DENND5A: variants seen among roughly 807,000 people sequenced by gnomAD.
DENND5A encodes DENN domain-containing protein 5A.
Under a neutral mutation model 140.3 loss-of-function variants are expected in DENND5A, and 64 were observed. That is an observed-to-expected ratio of 0.46 (90% confidence interval 0.37 to 0.56). The LOEUF (loss-of-function observed/expected upper bound fraction) is 0.56. Ranked by LOEUF, DENND5A falls within the 20% of genes least tolerant of loss-of-function variation. DENND5A has a pLI of 0.00. For missense variants in DENND5A, 1,292 were observed against 1,593.8 expected (o/e 0.81, Z 3.22); for synonymous variants, 605 against 607.7 (o/e 1.00, Z 0.07).
At chr11:9,213,424 T>TA (rs142768126) in intron 1 of DENND5A, among the ~76,000 whole-genome samples, 4,263 of 147,878 alleles carry the variant, frequency 0.029, 197 homozygotes, top group African/African-American at 0.099. Context: ...AAGTTTAACT[T>TA]AAAAAAAAAA....
intron 21 of DENND5A, 58 bp from the exon 22 acceptor site, chr11:9,142,166 C>A: frequency 6.9e-7 from 1 of 1,440,566 alleles, no homozygotes; most frequent in Non-Finnish European, 9.3e-7. Context: ...CCCTGACGGT[C>A]CTACAGGCCA....
rs193247230 is a variant in DENND5A at position 9,256,882 on chromosome 11, G to A, written c.109+8079C>T. 3.4e-3 allele frequency among the ~76,000 whole-genome samples: 523 copies of A among 152,140 alleles called. 1 individual carries two copies. Among genetic ancestry groups the A allele is most frequent in the Non-Finnish European group, 5.8e-3 (397 of 67,990 alleles). On this transcript the variant is annotated intron_variant, in intron 1 of 22. Transcript: ENST00000328194. ...AATCACTGAAATAAGTGAACTGTAT[G>A]GTATACGAATTATATCTCAATAAAA...
intron 12 of DENND5A, among the ~76,000 whole-genome samples, chr11:9,152,831 C>T (rs1847666287): frequency 6.6e-6 from 1 of 151,474 alleles, no homozygotes; most frequent in Non-Finnish European, 1.5e-5. Context: ...TGGTGAAACC[C>T]TGTCTCTACT....
At chr11:9,234,580 T>C (rs1256809785) in intron 1 of DENND5A, among the ~76,000 whole-genome samples, 2 of 152,204 alleles carry the variant, frequency 1.3e-5, no homozygotes, top group Non-Finnish European at 2.9e-5. Flanking sequence ...TCTGCAGCAC[T>C]GTGACATGTT....
intron 4 of DENND5A, among the ~76,000 whole-genome samples, chr11:9,196,104 C>T (rs1444783529): frequency 6.6e-6 from 1 of 152,146 alleles, no homozygotes; most frequent in Admixed American, 6.5e-5. Flanking sequence ...AGGCACGAGC[C>T]ACCATGCCTG....
chr11:9,219,113 T>C (rs1269348754), intron 1 of DENND5A, among the ~76,000 whole-genome samples: 1 of 151,728 alleles, frequency 6.6e-6, no homozygotes, highest in Non-Finnish European at 1.5e-5. Flanking sequence ...AAGTATACCA[T>C]AAAAAGCGAA....
intron 1 of DENND5A, among the ~76,000 whole-genome samples, chr11:9,262,981 T>C (rs1366733115): frequency 3.9e-5 from 6 of 152,180 alleles, no homozygotes; most frequent in Admixed American, 3.9e-4. Flanking sequence ...GACTTCGTGA[T>C]CCGCCCGCCT....
intron 1 of DENND5A, among the ~76,000 whole-genome samples, chr11:9,251,206 A>G (rs1177588256): frequency 6.6e-6 from 1 of 151,970 alleles, no homozygotes; most frequent in South Asian, 2.1e-4. Context: ...ATGAAACTCA[A>G]TGTGAGAAAC....
chr11:9,149,980 G>A, intron 15 of DENND5A, 101 bp downstream of exon 15: 1 of 1,461,198 alleles, frequency 6.8e-7, no homozygotes, highest in Non-Finnish European at 9.1e-7. Context: ...GCTGAATGCA[G>A]CAGCAATGTC....
At position 9,241,965 on chromosome 11, in the gene DENND5A, G is replaced by A. The variant is rs868381795; in HGVS notation, c.109+22996C>T. On this transcript the variant is annotated intron_variant, in intron 1 of 22. Transcript: ENST00000328194. ...GGAGGTGGAGGTTGTGGTGAGCAGA[G>A]ATTGCACCATTGCGCTCCAGCCTGG... Among the ~76,000 whole-genome samples, 3 of 142,366 alleles carry A rather than the reference G, an allele frequency of 2.1e-5. No individual in the cohort carries two copies. The South Asian group carries it at 6.8e-4, about 32-fold the overall frequency. 93.4% of individuals were successfully genotyped at this position (142,366 alleles called of 152,430 possible).
In DENND5A at chr11:9,243,087, C is replaced by CAAAAAAAA. The variant is rs539119487; in HGVS notation, c.109+21866_109+21873dup. Reference sequence around the variant, plus strand: ...TGGGCGACACAGCGAGACTCTGTCTCAAAAAAAAAAAAAAAAACAAAAAAA... The same window carrying CAAAAAAAA: ...TGGGCGACACAGCGAGACTCTGTCTCAAAAAAAAAAAAAAAAAAAAAAAAACAAAAAAA... On this transcript the variant is annotated intron_variant, in intron 1 of 22. Transcript: ENST00000328194. Among the ~76,000 whole-genome samples, 66 of 66,884 alleles carry CAAAAAAAA rather than the reference C, an allele frequency of 9.9e-4. 6 individuals are homozygous for CAAAAAAAA. The highest frequency in any genetic ancestry group is 3.5e-3 in the African/African-American group (56 of 16,226). The allele number at this position is 66,884 out of a possible 152,430, so 43.9% of individuals were successfully genotyped here. A position where few individuals can be genotyped will look rare whatever the true frequency, so the allele number is the denominator to read the frequency against.
chr11:9,206,896 A>G (rs1048687198), intron 2 of DENND5A, 114 bp from the exon 3 acceptor site: 4 of 723,188 alleles, frequency 5.5e-6, no homozygotes, highest in Non-Finnish European at 9.6e-6. Flanking sequence ...CAAGGGGGTT[A>G]GTATGCCAAC....
chr11:9,230,337 C>T lies in DENND5A; in HGVS notation c.110-22705G>A, dbSNP rs531168587. Among the ~76,000 whole-genome samples the T allele has an allele frequency of 1.3e-3, 178 of 140,032 alleles. 1 individual carries two copies. Among genetic ancestry groups the T allele is most frequent in the Admixed American group, 3.2e-3 (41 of 12,728 alleles). The allele number at this position is 140,032 out of a possible 152,430, so 91.9% of individuals were successfully genotyped here. On this transcript the variant is annotated intron_variant, in intron 1 of 22. Transcript: ENST00000328194. ...CTCACTACAATCTCAACCTTCTGAG[C>T]TCAAGCGATCCACCCACCTTAGCCT... is the stretch of plus-strand genomic sequence containing the variant.
At chr11:9,204,342 G>A (rs200538920) in intron 3 of DENND5A, 25 bp from the exon 4 acceptor site, 2 of 1,596,258 alleles carry the variant, frequency 1.3e-6, no homozygotes, top group East Asian at 4.5e-5. Context: ...AAGGCAACAA[G>A]CAGTGAGAAC....
At chr11:9,218,055 G>C (rs1850164198) in intron 1 of DENND5A, among the ~76,000 whole-genome samples, 1 of 152,262 alleles carries the variant, frequency 6.6e-6, no homozygotes, top group Non-Finnish European at 1.5e-5. Flanking sequence ...AGGAGTTCAA[G>C]ACCAACCTGG....
At chr11:9,149,681 G>A (rs936484564) in intron 15 of DENND5A, among the ~76,000 whole-genome samples, 1 of 152,158 alleles carries the variant, frequency 6.6e-6, no homozygotes, top group African/African-American at 2.4e-5. Context: ...ATGATGTGTT[G>A]AACAAGAGAG....
At position 9,204,145 on chromosome 11, in the gene DENND5A, T is replaced by C. The variant is rs1849616798; in HGVS notation, c.464A>G (p.His155Arg). Residue 155 changes from histidine to arginine, a missense_variant, in exon 4 of 23, where the codon CAC becomes CGC. By Grantham distance (29) the His-to-Arg change is conservative. Around this residue, in one of 4 missense-constraint regions of DENND5A, gnomAD observed 566 missense variants for 650.4 expected, o/e 0.87. Transcript: ENST00000328194. ...QICSAMQTLY[H>R]MHNAEYDVLH... is the part of the protein sequence containing the mutation. ...GACATCATACTCAGCATTGTGCATG[T>C]GGTAGAGGGTCTGCATTGCACTGCA... The C allele has an allele frequency of 6.2e-6, 10 of 1,614,180 alleles. No homozygotes were observed. Among genetic ancestry groups the C allele is most frequent in the Non-Finnish European group, 8.5e-6 (10 of 1,180,026 alleles).
chr11:9,225,044 G>A (rs1346960244), intron 1 of DENND5A, among the ~76,000 whole-genome samples: 5 of 151,974 alleles, frequency 3.3e-5, no homozygotes, highest in Admixed American at 6.6e-5. Flanking sequence ...CCCTAGAACC[G>A]ACGTCTAACT....
intron 1 of DENND5A, among the ~76,000 whole-genome samples, chr11:9,231,696 C>T (rs962239832): frequency 5.2e-5 from 6 of 115,458 alleles, no homozygotes; most frequent in African/African-American, 1.6e-4. Flanking sequence ...GCCTGGGCAA[C>T]AAGAGCGAAA....
Sources: gnomAD v4.1 joint callset for allele counts (sites outside exome capture counted in the v4.1 genomes callset) on GRCh38, gnomAD v4.1.1 for gene constraint, gnomAD v4.1.1 regional missense constraint, MANE v1.5 for transcripts, NCBI Gene and HGNC (gene_info 2026-07-23, HGNC 2026-07-21) for gene names.